The following MVB12B variants were observed in gnomAD, a reference collection of about 807,000 sequenced individuals.
MVB12B encodes the protein ESCRT-I complex subunit MVB12B.
Under a neutral mutation model 41.6 loss-of-function variants are expected in MVB12B, and 16 were observed. That is an observed-to-expected ratio of 0.38 (90% confidence interval 0.26 to 0.58). The LOEUF (loss-of-function observed/expected upper bound fraction) is 0.58, where lower values mean the gene tolerates loss of function less well. MVB12B is among the 20% of genes least tolerant of loss of function. MVB12B has a pLI of 0.62. For missense variants in MVB12B, 274 were observed against 380.2 expected, an observed-to-expected ratio of 0.72 and a Z score of 2.32; for synonymous variants, 133 against 139.7, an observed-to-expected ratio of 0.95 and a Z score of 0.34.
chr9:126,500,424 C>T (rs1319929710), intron 9 of MVB12B, among the ~76,000 whole-genome samples: 1 of 152,130 alleles, frequency 6.6e-6, no homozygotes, highest in African/African-American at 2.4e-5. Flanking sequence ...TTCTGCACAG[C>T]GTGTGGTCTC....
intron 7 of MVB12B, among the ~76,000 whole-genome samples, chr9:126,457,437 G>A (rs1319832752): frequency 6.6e-6 from 1 of 152,198 alleles, no homozygotes; most frequent in African/African-American, 2.4e-5. Flanking sequence ...AGGAACCCCA[G>A]TGTGTGCCAA....
At chr9:126,481,324 A>G in intron 7 of MVB12B, 45 bp from the exon 8 acceptor site, 5 of 1,530,616 alleles carry the variant, frequency 3.3e-6, no homozygotes, top group Non-Finnish European at 4.5e-6. Context: ...ACTAAATGCC[A>G]TCTTCAATAC....
intron 2 of MVB12B, among the ~76,000 whole-genome samples, chr9:126,370,802 C>T (rs1830315588): frequency 6.6e-6 from 1 of 152,050 alleles, no homozygotes; most frequent in Non-Finnish European, 1.5e-5. Context: ...CCTTTGGGAT[C>T]CCTAGGGATA....
rs1831001810 is a variant in MVB12B at position 126,392,973 on chromosome 9, G to T, written c.539+778G>T. On this transcript the variant is annotated intron_variant, in intron 5 of 9. Transcript: ENST00000361171. This position sits in a 1 kb window ranked among gnomAD's most constrained non-coding sequence, Gnocchi z 4.8. ...CTAGAAAGTCAGTGGAGGGCTCCAA[G>T]TCAGGAAGAAACATAAATATTACAC... 6.6e-6 allele frequency among the ~76,000 whole-genome samples: 1 copy of T among 152,230 alleles called. No homozygotes were observed. Among genetic ancestry groups the T allele is most frequent in the Non-Finnish European group, 1.5e-5 (1 of 68,044 alleles).
intron 1 of MVB12B, among the ~76,000 whole-genome samples, chr9:126,331,083 C>T (rs1382497875): frequency 6.6e-6 from 1 of 152,146 alleles, no homozygotes; most frequent in Non-Finnish European, 1.5e-5. Context: ...CTACAATTCT[C>T]TTTGAGACCC....
intron 2 of MVB12B, among the ~76,000 whole-genome samples, chr9:126,379,903 A>C (rs1830588060): frequency 6.6e-6 from 1 of 152,174 alleles, no homozygotes; most frequent in Non-Finnish European, 1.5e-5. Context: ...GATGGGGCTG[A>C]ATCAGGGCAC....
intron 6 of MVB12B, among the ~76,000 whole-genome samples, chr9:126,413,349 A>AG (rs570014834): frequency 2.4e-4 from 37 of 152,224 alleles, no homozygotes; most frequent in South Asian, 2.1e-3. Context: ...CCTGTGGAGT[A>AG]GGGGGGGTCT....
At chr9:126,394,787 A>G (rs2119005569) in intron 5 of MVB12B, among the ~76,000 whole-genome samples, 1 of 152,288 alleles carries the variant, frequency 6.6e-6, no homozygotes, top group South Asian at 2.1e-4. Flanking sequence ...AGAATAAGTC[A>G]TTTTCCATTT....
At chr9:126,393,980 T>C (rs545302313) in intron 5 of MVB12B, among the ~76,000 whole-genome samples, 56 of 152,372 alleles carry the variant, frequency 3.7e-4, no homozygotes, top group African/African-American at 1.3e-3. Flanking sequence ...CTCGTGGCAT[T>C]TGCTTGAAGC....
intron 7 of MVB12B, among the ~76,000 whole-genome samples, chr9:126,470,477 C>T (rs1247227017): frequency 1.3e-5 from 2 of 152,188 alleles, no homozygotes; most frequent in Non-Finnish European, 2.9e-5. Context: ...GGTTGTGCAG[C>T]CCAGCACTGC....
intron 6 of MVB12B, chr9:126,396,824 GAT>G: frequency 2.0e-6 from 2 of 985,478 alleles, no homozygotes; most frequent in Non-Finnish European, 2.4e-6. Flanking sequence ...GGCATAAAAA[GAT>G]AGGAATCTCT....
chr9:126,458,000 G>A (rs772107652), intron 7 of MVB12B, among the ~76,000 whole-genome samples: 4 of 152,148 alleles, frequency 2.6e-5, no homozygotes, highest in South Asian at 2.1e-4. Flanking sequence ...AGCAGAAAGC[G>A]AATAGCCATT....
chr9:126,442,931 G>A (rs112596219), intron 7 of MVB12B, among the ~76,000 whole-genome samples: 7 of 152,300 alleles, frequency 4.6e-5, no homozygotes, highest in African/African-American at 1.7e-4. Context: ...GCTATTTTGA[G>A]TTTAAAATGT....
chr9:126,455,831 C>T (rs923751388), intron 7 of MVB12B, among the ~76,000 whole-genome samples: 1 of 151,230 alleles, frequency 6.6e-6, no homozygotes, highest in African/African-American at 2.4e-5. Flanking sequence ...TACAGTTTTG[C>T]TGTCGTGGTG....
chr9:126,363,721 T>G (rs995094549), intron 2 of MVB12B, among the ~76,000 whole-genome samples: 1 of 152,184 alleles, frequency 6.6e-6, no homozygotes, highest in Admixed American at 6.5e-5. Context: ...CTGAGAGTTG[T>G]TTAGATTTGC....
At chr9:126,421,809 G>A in intron 6 of MVB12B, 45 bp from the exon 7 acceptor site, 1 of 1,457,000 alleles carries the variant, frequency 6.9e-7, no homozygotes, top group African/African-American at 1.4e-5. Context: ...GAGTCTTGGG[G>A]AATGCTCCTT....
chr9:126,501,157 C>T (rs1187831210), intron 9 of MVB12B, among the ~76,000 whole-genome samples: 1 of 152,208 alleles, frequency 6.6e-6, no homozygotes, highest in Non-Finnish European at 1.5e-5. Flanking sequence ...TGGTGGTTGG[C>T]GAGCAGGAAA....
At chr9:126,361,660 GTCTT>G (rs1282382497) in intron 2 of MVB12B, among the ~76,000 whole-genome samples, 2 of 152,072 alleles carry the variant, frequency 1.3e-5, no homozygotes, top group Non-Finnish European at 2.9e-5. Context: ...TCTGAACAAA[GTCTT>G]TATTTTGTCT....
At chr9:126,493,055 AGT>A (rs1833766461) in intron 9 of MVB12B, among the ~76,000 whole-genome samples, 2 of 152,146 alleles carry the variant, frequency 1.3e-5, no homozygotes, top group Non-Finnish European at 2.9e-5. Flanking sequence ...CACTTTAATC[AGT>A]GTCTTTTCAG....
Sources: allele counts gnomAD v4.1 joint callset (sites outside exome capture counted in the v4.1 genomes callset), GRCh38; gene constraint gnomAD v4.1.1; non-coding constraint Gnocchi (gnomAD v3.1); transcripts MANE v1.5; gene names NCBI Gene and HGNC (gene_info 2026-07-23, HGNC 2026-07-21).